The following PES1 variants were observed in gnomAD, a reference collection of about 807,000 sequenced individuals.
The protein encoded by PES1 is pescadillo ribosomal biogenesis factor 1.
PES1 carries 31 observed loss-of-function variants against 77.1 expected under a neutral mutation model. The ratio of observed to expected loss-of-function variants is 0.40; its 90% CI spans 0.30 to 0.54. The LOEUF (loss-of-function observed/expected upper bound fraction) is 0.54, where lower values mean the gene tolerates loss of function less well. Ranked by LOEUF, PES1 falls within the 20% of genes least tolerant of loss-of-function variation. The probability of loss-of-function intolerance (pLI) is 0.45; values close to 1 mark genes in which losing one functional copy is unlikely to be tolerated. For missense variants in PES1, 658 were observed against 771.7 expected (o/e 0.85, Z 1.75); for synonymous variants, 282 against 303.0 (o/e 0.93, Z 0.72).
intron 1 of PES1, among the ~76,000 whole-genome samples, chr22:30,606,086 C>T (rs1019700614): frequency 4.6e-5 from 7 of 152,186 alleles, no homozygotes; most frequent in Admixed American, 1.3e-4. Context: ...AACTCGTATA[C>T]ATTGATTCTC....
At chr22:30,600,674 G>A (rs1264378757) in intron 2 of PES1, among the ~76,000 whole-genome samples, 1 of 152,194 alleles carries the variant, frequency 6.6e-6, no homozygotes, top group Non-Finnish European at 1.5e-5. Flanking sequence ...AAATTAGCCA[G>A]GAGTGGTGGC....
Position 30,579,212 on chromosome 22 carries a change from T to TTCC in PES1, c.1443_1445dup (p.Glu482dup). On this transcript the variant is annotated inframe_insertion, in exon 13 of 15. Coordinates refer to ENST00000354694, the MANE Select transcript of PES1 (RefSeq NM_014303.4). ...CCTTTTCTGAACCAGCCTCTGCATC[T>TTCC]TCCTCCTCCTCCTCATTTTCTCCCT... The TTCC allele has an allele frequency of 6.2e-7, 1 of 1,606,574 alleles. No homozygotes were observed. The highest frequency in any genetic ancestry group is 2.2e-5 in the East Asian group (1 of 44,858).
At chr22:30,579,546 G>A (rs1200528367) in intron 12 of PES1, 3 of 695,442 alleles carry the variant, frequency 4.3e-6, no homozygotes, top group Non-Finnish European at 7.1e-6. Context: ...AATGCAGCAT[G>A]TTCTTCTGCT....
chr22:30,588,342 C>T (rs370023221), intron 2 of PES1, among the ~76,000 whole-genome samples, 168 bp from the exon 3 acceptor site: 2 of 152,112 alleles, frequency 1.3e-5, no homozygotes, highest in African/African-American at 2.4e-5. Context: ...AAAACAAAAA[C>T]GCAGACTTGC....
rs560634778 is a variant in PES1, at chr22:30,591,637, A to C, written c.24+173T>G. Among the ~76,000 whole-genome samples the C allele has an allele frequency of 2.0e-5, 3 of 152,152 alleles. No individual in the cohort carries two copies. The South Asian group carries it at 6.3e-4, about 32-fold the overall frequency. On this transcript the variant is annotated intron_variant, in intron 1 of 14. Transcript: ENST00000354694. The stretch of plus-strand genomic sequence containing the variant: ...TGGAGTTCGTTCTCGGATTTCACTA[A>C]ACGAATACTGCCATCCTTGTCCATT...
chr22:30,597,830 C>CG (rs935886600), intron 2 of PES1, among the ~76,000 whole-genome samples: 51 of 151,350 alleles, frequency 3.4e-4, no homozygotes, highest in African/African-American at 1.1e-3. Context: ...GCAGGCTGCC[C>CG]GACTCAGCTG....
chr22:30,587,357 G>A lies in PES1; in HGVS notation c.297C>T (p.Ser99=), dbSNP rs555016723. 2.6e-4 allele frequency: 417 copies of A among 1,613,980 alleles called. No homozygotes were observed. The highest frequency in any genetic ancestry group is 3.4e-4 in the Non-Finnish European group (404 of 1,179,922). Residue 99 remains serine (S), a synonymous_variant, in exon 4 of 15, where the codon AGC becomes AGT. Coordinates refer to ENST00000354694, the MANE Select transcript of PES1 (RefSeq NM_014303.4). ...VRKLRKAYGK[S]EWNTVERLKD... is the part of the protein sequence containing the mutation. ...TTAAACGCTCTACAGTGTTCCACTC[G>A]CTCTTCCCATAAGCCTTCCGGAGCT...
intron 2 of PES1, among the ~76,000 whole-genome samples, chr22:30,604,494 G>C (rs1391186760): frequency 6.6e-6 from 1 of 152,092 alleles, no homozygotes; most frequent in African/African-American, 2.4e-5. Flanking sequence ...TTAGCTGGGG[G>C]TGGTGGCGCA....
chr22:30,597,621 A>T (rs1312671664), intron 2 of PES1, among the ~76,000 whole-genome samples: 1 of 151,434 alleles, frequency 6.6e-6, no homozygotes. Flanking sequence ...AGGGTTTGTA[A>T]ATACACCAAT....
In PES1 at chr22:30,576,956, T is replaced by C; in HGVS notation, c.*90A>G. 1 of 1,047,446 alleles carries C rather than the reference T, an allele frequency of 9.5e-7. No individual in the cohort carries two copies. 64.9% of individuals were successfully genotyped at this position (1,047,446 alleles called of 1,614,324 possible). A position where few individuals can be genotyped will look rare whatever the true frequency, so the allele number is the denominator to read the frequency against. On this transcript the variant is annotated 3_prime_UTR_variant, in exon 15 of 15. Coordinates refer to ENST00000354694, the MANE Select transcript of PES1 (RefSeq NM_014303.4). ...TGGAGAAAGGAGGAGGAGAAGTGAC[T>C]CTGGTCCATCACACTTAGGTCCTCT...
At chr22:30,585,410 G>T (rs1307435710) in intron 4 of PES1, 1 of 460,834 alleles carries the variant, frequency 2.2e-6, no homozygotes, top group Non-Finnish European at 4.5e-6. Flanking sequence ...AGAAGACACG[G>T]AACCACAAGT....
At position 30,584,273 on chromosome 22, in the gene PES1, A is replaced by G. The variant is rs1173918053; in HGVS notation, c.630+92T>C. The G allele has an allele frequency of 1.8e-5, 19 of 1,032,548 alleles. No homozygotes were observed. In the South Asian group the frequency reaches 2.5e-4, roughly 14 times the overall value. The allele number at this position is 1,032,548 out of a possible 1,614,324, so 64.0% of individuals were successfully genotyped here. Reference sequence around the variant, plus strand: ...AACAGTTGGGAACCCAGCACTTGCTAAACTCCATGGACAGCAAAATCCCCC... The same window carrying G: ...AACAGTTGGGAACCCAGCACTTGCTGAACTCCATGGACAGCAAAATCCCCC... On this transcript the variant is annotated intron_variant, in intron 6 of 14. Transcript: ENST00000354694.
At chr22:30,605,118 T>TCA (rs202221267) in intron 2 of PES1, among the ~76,000 whole-genome samples, 1 of 152,094 alleles carries the variant, frequency 6.6e-6, no homozygotes, top group Admixed American at 6.6e-5. Context: ...TTGTAGCCTC[T>TCA]AGATTAGCTG....
intron 2 of PES1, among the ~76,000 whole-genome samples, chr22:30,601,271 A>G (rs1360757884): frequency 6.6e-6 from 1 of 152,116 alleles, no homozygotes; most frequent in Non-Finnish European, 1.5e-5. Context: ...AATCTGACAC[A>G]TCCTCTTTAT....
At chr22:30,589,079 A>T in intron 2 of PES1, 112 bp downstream of exon 2, 1 of 718,832 alleles carries the variant, frequency 1.4e-6, no homozygotes, top group South Asian at 1.8e-5. Flanking sequence ...GAGAAAGAGA[A>T]GGAATACCAG....
chr22:30,579,887 G>A lies in PES1; in HGVS notation c.1218C>T (p.Leu406=), dbSNP rs759667615. 23 of 1,614,044 alleles carry A rather than the reference G, an allele frequency of 1.4e-5. No homozygotes were observed. The highest frequency in any genetic ancestry group is 1.8e-5 in the Non-Finnish European group (21 of 1,180,030). ...QWVFDSVNAR[L]LLPVAEYFSG... ...AGAAGTACTCTGCCACGGGGAGAAGGAGCCTGGCGTTCACTGAGTCAAACA... is the reference window on the plus strand; with the variant it reads ...AGAAGTACTCTGCCACGGGGAGAAGAAGCCTGGCGTTCACTGAGTCAAACA... Residue 406 remains leucine, a synonymous_variant, in exon 12 of 15, where the codon CTC becomes CTT. Coordinates refer to ENST00000354694, the MANE Select transcript of PES1 (RefSeq NM_014303.4).
At chr22:30,591,990 GGGGAT>G, upstream of PES1, 4 of 1,377,242 alleles carry the variant, frequency 2.9e-6, no homozygotes, top group Non-Finnish European at 3.7e-6. Flanking sequence ...AGGGAAAGAT[GGGGAT>G]TTCCTCCTCA....
chr22:30,591,586 C>T (rs76920652), intron 1 of PES1, among the ~76,000 whole-genome samples: 4,680 of 152,284 alleles, frequency 0.031, 110 homozygotes, highest in Non-Finnish European at 0.04. Flanking sequence ...AACTCTCTTT[C>T]ACAGCCCTCT....
chr22:30,599,997 A>G (rs936890997), intron 2 of PES1, among the ~76,000 whole-genome samples: 6 of 152,172 alleles, frequency 3.9e-5, no homozygotes, highest in Admixed American at 2.0e-4. Context: ...GTTAAATTAA[A>G]TAACTGCTCA....
Sources: gnomAD v4.1 joint callset for allele counts (sites outside exome capture counted in the v4.1 genomes callset) on GRCh38, gnomAD v4.1.1 for gene constraint, MANE v1.5 for transcripts, NCBI Gene and HGNC (gene_info 2026-07-23, HGNC 2026-07-21) for gene names.